The following ALK variants were observed in gnomAD, a reference collection of about 807,000 sequenced individuals.
ALK encodes ALK receptor tyrosine kinase.
A neutral mutation model predicts 163.1 loss-of-function variants in ALK; 74 were observed. That is an observed-to-expected ratio of 0.45 (90% CI 0.38 to 0.55). The LOEUF (loss-of-function observed/expected upper bound fraction) is 0.55. Ranked by LOEUF, ALK falls within the 20% of genes least tolerant of loss-of-function variation. The probability of loss-of-function intolerance (pLI) is 0.00; values close to 1 mark genes in which losing one functional copy is unlikely to be tolerated. For synonymous variants in ALK, 960 were observed against 843.2 expected (o/e 1.14, Z -2.40); for missense variants, 2,063 against 2,105.3 (o/e 0.98, Z 0.39).
At chr2:29,234,224 G>A (rs561336782) in intron 13 of ALK, among the ~76,000 whole-genome samples, 5 of 152,292 alleles carry the variant, frequency 3.3e-5, no homozygotes, top group Admixed American at 2.0e-4. Flanking sequence ...GTCCTATGTG[G>A]TGAGATGGGG....
intron 3 of ALK, among the ~76,000 whole-genome samples, chr2:29,671,151 T>C (rs1677673679): frequency 6.6e-6 from 1 of 152,086 alleles, no homozygotes; most frequent in Non-Finnish European, 1.5e-5. Context: ...TTGGATATAT[T>C]TGCTTAGCAA....
In ALK at chr2:29,227,062, T is replaced by G; in HGVS notation, c.2927A>C (p.His976Pro). 6.2e-7 allele frequency: 1 copy of G among 1,614,128 alleles called. No homozygotes were observed. Among genetic ancestry groups the G allele is most frequent in the Non-Finnish European group, 8.5e-7 (1 of 1,180,024 alleles). Residue 976 changes from histidine to proline, a missense_variant, in exon 18 of 29, where the codon CAC becomes CCC. By Grantham distance (77) the His-to-Pro change is moderately conservative. Transcript: ENST00000389048. This position sits in a 1 kb window ranked among gnomAD's most constrained non-coding sequence, Gnocchi z 4.4. ...YTPALKVMEG[H>P]GEVNIKHYLN... ...ATAATGCTTAATATTCACTTCCCCG[T>G]GGCCTTCCATCACTAGTGACAAGGA...
At chr2:29,602,991 C>T (rs992342542) in intron 3 of ALK, among the ~76,000 whole-genome samples, 3 of 152,168 alleles carry the variant, frequency 2.0e-5, no homozygotes, top group Admixed American at 2.0e-4. Flanking sequence ...TCTGGAAAGG[C>T]AGGACAACTT....
intron 3 of ALK, among the ~76,000 whole-genome samples, chr2:29,533,346 A>G (rs1673168486): frequency 6.6e-6 from 1 of 152,232 alleles, no homozygotes; most frequent in African/African-American, 2.4e-5. Flanking sequence ...ACCAAAGACA[A>G]AGAATTGGGA....
chr2:29,910,846 A>G (rs1667681513), intron 1 of ALK, among the ~76,000 whole-genome samples: 1 of 152,160 alleles, frequency 6.6e-6, no homozygotes, highest in Admixed American at 6.5e-5. Context: ...AGGCTAAAGG[A>G]AAAAATTACA....
At chr2:29,660,500 G>A (rs1677316107) in intron 3 of ALK, among the ~76,000 whole-genome samples, 1 of 141,110 alleles carries the variant, frequency 7.1e-6, no homozygotes, top group African/African-American at 2.8e-5. Flanking sequence ...CAATCCCCAG[G>A]CCAATGCCTC....
intron 26 of ALK, among the ~76,000 whole-genome samples, chr2:29,206,420 C>T (rs1669311485): frequency 6.6e-6 from 1 of 151,964 alleles, no homozygotes; most frequent in Non-Finnish European, 1.5e-5. Context: ...CACATGCGTG[C>T]ACCACCACAC....
At chr2:29,293,108 T>C (rs1666081981) in intron 9 of ALK, among the ~76,000 whole-genome samples, 2 of 152,200 alleles carry the variant, frequency 1.3e-5, no homozygotes, top group South Asian at 4.1e-4. Flanking sequence ...GAGTAACAAA[T>C]GCTGTTTTGG....
chr2:29,789,527 A>G (rs1332691316), intron 1 of ALK, among the ~76,000 whole-genome samples: 1 of 152,208 alleles, frequency 6.6e-6, no homozygotes, highest in East Asian at 1.9e-4. Flanking sequence ...ATGAAGTGAA[A>G]AGCCAAGGAA....
chr2:29,695,112 C>G, intron 2 of ALK, 98 bp from the exon 3 acceptor site: 1 of 1,386,320 alleles, frequency 7.2e-7, no homozygotes, highest in East Asian at 2.4e-5. Flanking sequence ...TTCATCTCCC[C>G]ACATCCTTTG....
intron 4 of ALK, among the ~76,000 whole-genome samples, chr2:29,439,648 G>T (rs1670486099): frequency 6.6e-6 from 1 of 150,966 alleles, no homozygotes; most frequent in Admixed American, 6.6e-5. Context: ...GAGGTCATTA[G>T]GGTGGGCCCT....
intron 3 of ALK, among the ~76,000 whole-genome samples, chr2:29,676,625 TTG>T (rs1430680135): frequency 1.3e-5 from 2 of 152,014 alleles, no homozygotes; most frequent in East Asian, 3.9e-4. Flanking sequence ...TGAAAAAATA[TTG>T]TGTCTATTCC....
In ALK at chr2:29,193,161, T is replaced by C. The variant is rs182561050; in HGVS notation, c.*63A>G. 2.9e-3 allele frequency: 4,521 copies of C among 1,553,052 alleles called. 116 individuals carry two copies. The African/African-American group carries it at 0.054, about 19-fold the overall frequency. On this transcript the variant is annotated 3_prime_UTR_variant, in exon 29 of 29. Transcript: ENST00000389048. The stretch of plus-strand genomic sequence containing the variant: ...TGGTCTCTGGTTTGTGAAGGAGCCA[T>C]TGCCTCTCTCTCCTCCACGGTCTTA...
chr2:29,365,622 T>A (rs1254315024), intron 5 of ALK, among the ~76,000 whole-genome samples: 1 of 152,216 alleles, frequency 6.6e-6, no homozygotes, highest in East Asian at 1.9e-4. Context: ...GGAGATAATT[T>A]GGTGTAAAAC....
rs571835107 is a variant in ALK, at chr2:29,283,922, G to A, written c.1818-8426C>T. Among the ~76,000 whole-genome samples, 3 of 152,324 alleles carry A rather than the reference G, an allele frequency of 2.0e-5. No homozygotes were observed. The South Asian group carries it at 6.2e-4, about 32-fold the overall frequency. On this transcript the variant is annotated intron_variant, in intron 9 of 28. Coordinates refer to ENST00000389048, the MANE Select transcript of ALK (RefSeq NM_004304.5). The stretch of plus-strand genomic sequence containing the variant: ...CACATACTTGTGCCTATAGCTAGGA[G>A]TGTAGAGATGTGTAAGACGTGGACC...
chr2:29,277,611 G>C (rs1362440612), intron 9 of ALK, among the ~76,000 whole-genome samples: 4 of 152,260 alleles, frequency 2.6e-5, no homozygotes, highest in Non-Finnish European at 5.9e-5. Context: ...CAGCATCACT[G>C]GGGTTGGCCC....
intron 5 of ALK, among the ~76,000 whole-genome samples, chr2:29,355,479 C>T (rs1211173381): frequency 6.6e-6 from 1 of 151,974 alleles, no homozygotes; most frequent in African/African-American, 2.4e-5. Flanking sequence ...ACATACACAC[C>T]CACCACACAC....
intron 6 of ALK, among the ~76,000 whole-genome samples, chr2:29,324,912 A>C (rs1313153557): frequency 1.3e-5 from 2 of 152,158 alleles, no homozygotes; most frequent in African/African-American, 4.8e-5. Context: ...GAAAAAGGCA[A>C]GGGAATGTCA....
chr2:29,315,228 G>A lies in ALK; in HGVS notation c.1647+3076C>T, dbSNP rs1392826657. ...CTGTGCAGAGAGATAGGAGGCAGCC[G>A]TGGTAGTCAGCAAGAGCAGGCTGCA... On this transcript the variant is annotated intron_variant, in intron 8 of 28. Transcript: ENST00000389048. 2.0e-5 allele frequency among the ~76,000 whole-genome samples: 3 copies of A among 152,148 alleles called. 1 individual carries two copies. Among genetic ancestry groups the A allele is most frequent in the Middle Eastern group, 6.8e-3 (2 of 294 alleles).
Sources: allele counts gnomAD v4.1 joint callset (sites outside exome capture counted in the v4.1 genomes callset), GRCh38; gene constraint gnomAD v4.1.1; non-coding constraint Gnocchi (gnomAD v3.1); transcripts MANE v1.5; gene names NCBI Gene and HGNC (gene_info 2026-07-23, HGNC 2026-07-21).